The following EPHA4 variants were observed in gnomAD, a reference collection of about 807,000 sequenced individuals.
EPHA4 encodes the protein EPH receptor A4.
EPHA4 carries 19 observed loss-of-function variants against 108.3 expected under a neutral mutation model. The observed-to-expected ratio is 0.18, with a 90% CI of 0.12 to 0.26. The LOEUF (loss-of-function observed/expected upper bound fraction) is 0.26. Ranked by LOEUF, EPHA4 falls within the 10% of genes least tolerant of loss-of-function variation. EPHA4 has a pLI of 1.00. For synonymous variants in EPHA4, 449 were observed against 455.5 expected, an observed-to-expected ratio of 0.99 and a Z score of 0.18; for missense variants, 917 against 1,254.0, an observed-to-expected ratio of 0.73 and a Z score of 4.06.
chr2:221,493,724 G>A (rs1271953764), intron 4 of EPHA4, among the ~76,000 whole-genome samples: 1 of 152,186 alleles, frequency 6.6e-6, no homozygotes, highest in South Asian at 2.1e-4. Flanking sequence ...AGGAAATACA[G>A]CAGCGCACTA....
intron 3 of EPHA4, among the ~76,000 whole-genome samples, chr2:221,549,118 C>T (rs964365022): frequency 2.0e-5 from 3 of 152,194 alleles, no homozygotes; most frequent in African/African-American, 7.2e-5. Context: ...TGTTAGGTAC[C>T]CTGGGGTCAT....
chr2:221,545,662 T>C (rs1293594613), intron 3 of EPHA4, among the ~76,000 whole-genome samples: 3 of 152,094 alleles, frequency 2.0e-5, no homozygotes, highest in Admixed American at 6.6e-5. Context: ...GGAATAACCA[T>C]GCACCAATAG....
chr2:221,451,581 A>G (rs1690786364), intron 8 of EPHA4, among the ~76,000 whole-genome samples: 1 of 152,224 alleles, frequency 6.6e-6, no homozygotes, highest in Non-Finnish European at 1.5e-5. Flanking sequence ...TTATAGGGAC[A>G]GCATCATATA....
intron 3 of EPHA4, among the ~76,000 whole-genome samples, chr2:221,524,822 G>A (rs1018403757): frequency 1.2e-4 from 18 of 152,074 alleles, no homozygotes; most frequent in African/African-American, 3.4e-4. Context: ...TGATGGCTAC[G>A]GCACGGCTAC....
chr2:221,525,750 T>C (rs1300613354), intron 3 of EPHA4, among the ~76,000 whole-genome samples: 1 of 152,136 alleles, frequency 6.6e-6, no homozygotes, highest in Non-Finnish European at 1.5e-5. Flanking sequence ...AGTTGGAGCC[T>C]ATATCCCTTA....
At chr2:221,544,752 G>A (rs1693938384) in intron 3 of EPHA4, among the ~76,000 whole-genome samples, 1 of 152,200 alleles carries the variant, frequency 6.6e-6, no homozygotes, top group African/African-American at 2.4e-5. Context: ...TGGAGACAGA[G>A]CCTATGAGGA....
At chr2:221,452,805 G>A (rs779794789) in intron 8 of EPHA4, among the ~76,000 whole-genome samples, 1 of 152,096 alleles carries the variant, frequency 6.6e-6, no homozygotes, top group East Asian at 1.9e-4. Context: ...TTGGAAATCC[G>A]ATGCATCCTG....
intron 3 of EPHA4, among the ~76,000 whole-genome samples, chr2:221,505,703 C>T (rs1692608451): frequency 6.6e-6 from 1 of 152,270 alleles, no homozygotes; most frequent in South Asian, 2.1e-4. Context: ...TCAGACAATG[C>T]TGCTCTAGAA....
rs543368268 is a variant in EPHA4, at chr2:221,418,182, C to T, written c.*3190G>A. ...AAAGTTCATGAAGGGAAGAAAAATA[C>T]CTTGACAAATTAAAACAAAATAGAA... is the stretch of plus-strand genomic sequence containing the variant. On this transcript the variant is annotated 3_prime_UTR_variant, in exon 18 of 18. Transcript: ENST00000281821. The T allele has an allele frequency of 2.0e-5, 3 of 152,620 alleles. No homozygotes were observed. The highest frequency in any genetic ancestry group is 7.2e-5 in the African/African-American group (3 of 41,516). 9.5% of individuals were successfully genotyped at this position (152,620 alleles called of 1,614,324 possible). A position where few individuals can be genotyped will look rare whatever the true frequency, so the allele number is the denominator to read the frequency against.
intron 1 of EPHA4, 22 bp from the exon 2 acceptor site, chr2:221,568,807 T>C: frequency 6.2e-7 from 1 of 1,603,384 alleles, no homozygotes; most frequent in Non-Finnish European, 8.5e-7. Flanking sequence ...AAAAGAAAAA[T>C]AGATGAATTT....
Position 221,477,388 on chromosome 2 carries a change from G to C in EPHA4, c.1318+4964C>G, listed in dbSNP as rs186360401. 6.6e-4 allele frequency among the ~76,000 whole-genome samples: 100 copies of C among 152,312 alleles called. 1 individual carries two copies. The highest frequency in any genetic ancestry group is 2.0e-3 in the African/African-American group (83 of 41,572). ...GTTCTTAAAAACTATTGCTAGAACA[G>C]AGTTTTTCAGCCTTAGCCCTATGGA... is the stretch of plus-strand genomic sequence containing the variant. On this transcript the variant is annotated intron_variant, in intron 5 of 17. Coordinates refer to ENST00000281821, the MANE Select transcript of EPHA4 (RefSeq NM_004438.5).
At chr2:221,530,438 G>A (rs963920898) in intron 3 of EPHA4, among the ~76,000 whole-genome samples, 1 of 152,198 alleles carries the variant, frequency 6.6e-6, no homozygotes, top group Non-Finnish European at 1.5e-5. Context: ...ACATTTGCGC[G>A]CAGTAGGAAG....
chr2:221,485,898 G>A (rs1559261822), intron 4 of EPHA4, among the ~76,000 whole-genome samples: 1 of 152,108 alleles, frequency 6.6e-6, no homozygotes. Context: ...ATTACCTACA[G>A]AGATGGCTAA....
intron 8 of EPHA4, among the ~76,000 whole-genome samples, chr2:221,447,977 G>C (rs935365367): frequency 6.6e-6 from 1 of 151,916 alleles, no homozygotes; most frequent in African/African-American, 2.4e-5. Context: ...GAGTAGCTGG[G>C]ATTATAGGCA....
At chr2:221,495,688 T>A (rs1484276478) in intron 4 of EPHA4, among the ~76,000 whole-genome samples, 1 of 152,200 alleles carries the variant, frequency 6.6e-6, no homozygotes, top group Non-Finnish European at 1.5e-5. Flanking sequence ...GATTAAATTC[T>A]CTTAAGCTCT....
intron 3 of EPHA4, among the ~76,000 whole-genome samples, chr2:221,553,121 C>T (rs1218735500): frequency 6.6e-6 from 1 of 152,160 alleles, no homozygotes; most frequent in African/African-American, 2.4e-5. Flanking sequence ...TTTATTATTT[C>T]ATCAGTGAAA....
chr2:221,572,185 C>T lies in EPHA4; in HGVS notation c.64G>A (p.Gly22Ser). ...TCATTCGCGGGGTATACCCTGGAAC[C>T]TGTGACAGCGTCGCAAATCCCGAAG... ...CLFGICDAVT[G>S]SRVYPANEVT... is the part of the protein sequence containing the mutation. The change falls in exon 1 of 18, where the codon GGT becomes AGT. Residue 22 changes from glycine to serine, a missense_variant. Coordinates refer to ENST00000281821, the MANE Select transcript of EPHA4 (RefSeq NM_004438.5). 2 of 1,614,150 alleles carry T rather than the reference C, an allele frequency of 1.2e-6. No individual in the cohort carries two copies. Among genetic ancestry groups the T allele is most frequent in the Non-Finnish European group, 8.5e-7 (1 of 1,179,978 alleles).
Position 221,436,556 on chromosome 2 carries a change from A to G in EPHA4, c.2189T>C (p.Ile730Thr), listed in dbSNP as rs767546349. 1 of 1,614,110 alleles carries G rather than the reference A, an allele frequency of 6.2e-7. No individual in the cohort carries two copies. The stretch of plus-strand genomic sequence containing the variant: ...AGATAAATACTTCATCCCAGACCCA[A>G]TGCCACGAAGCATGCCCACCAGCTG... ...VIQLVGMLRG[I>T]GSGMKYLSDM... Residue 730 changes from isoleucine to threonine, a missense_variant, in exon 13 of 18, where the codon ATT becomes ACT. Ile to Thr is a moderately conservative substitution (Grantham distance 89). Around this residue, in one of 3 missense-constraint regions of EPHA4, gnomAD observed 758 missense variants for 1,076.7 expected, o/e 0.70. Coordinates refer to ENST00000281821, the MANE Select transcript of EPHA4 (RefSeq NM_004438.5).
chr2:221,565,499 GTTTT>G (rs1229631094), intron 2 of EPHA4, among the ~76,000 whole-genome samples: 3 of 152,088 alleles, frequency 2.0e-5, no homozygotes, highest in Middle Eastern at 3.2e-3. Flanking sequence ...ACAAGAGATA[GTTTT>G]TTTAAAAAAT....
Sources: gnomAD v4.1 joint callset for allele counts (sites outside exome capture counted in the v4.1 genomes callset) on GRCh38, gnomAD v4.1.1 for gene constraint, gnomAD v4.1.1 regional missense constraint, MANE v1.5 for transcripts, NCBI Gene and HGNC (gene_info 2026-07-23, HGNC 2026-07-21) for gene names.